THEMIS: variants seen among roughly 807,000 people sequenced by gnomAD.
THEMIS encodes the protein thymocyte selection associated, also known as protein THEMIS.
THEMIS carries 37 observed loss-of-function variants against 52.6 expected under a neutral mutation model. That is an observed-to-expected ratio of 0.70 (90% CI 0.54 to 0.93). The LOEUF (loss-of-function observed/expected upper bound fraction) is 0.93, where lower values mean the gene tolerates loss of function less well. THEMIS is among the 40% of genes least tolerant of loss of function. THEMIS has a pLI of 0.00. For synonymous variants in THEMIS, 292 were observed against 272.7 expected, an observed-to-expected ratio of 1.07 and a Z score of -0.70; for missense variants, 808 against 763.1, an observed-to-expected ratio of 1.06 and a Z score of -0.69.
chr6:127,782,464 G>C (rs553100635), intron 4 of THEMIS, among the ~76,000 whole-genome samples: 1 of 152,172 alleles, frequency 6.6e-6, no homozygotes, highest in African/African-American at 2.4e-5. Context: ...TGTGGGTTGC[G>C]AAGACCATGG....
At chr6:127,769,526 C>T (rs114064778) in intron 4 of THEMIS, among the ~76,000 whole-genome samples, 3,414 of 152,110 alleles carry the variant, frequency 0.022, 139 homozygotes, top group African/African-American at 0.079. Context: ...CTTAAGCAGT[C>T]AGGCATTGTT....
intron 4 of THEMIS, among the ~76,000 whole-genome samples, chr6:127,740,414 A>T (rs1349881988): frequency 6.6e-6 from 1 of 152,194 alleles, no homozygotes; most frequent in East Asian, 1.9e-4. Context: ...GTTGCTAAAA[A>T]AAACTTTATT....
chr6:127,744,931 G>A (rs758484054), intron 4 of THEMIS, among the ~76,000 whole-genome samples: 1 of 151,766 alleles, frequency 6.6e-6, no homozygotes, highest in East Asian at 1.9e-4. Flanking sequence ...AGATATAATT[G>A]TAATATCAAG....
chr6:127,800,009 T>C (rs988666760), intron 4 of THEMIS, among the ~76,000 whole-genome samples: 3 of 152,178 alleles, frequency 2.0e-5, no homozygotes, highest in African/African-American at 7.2e-5. Flanking sequence ...ACGTTCTTCA[T>C]AGTACTGAGT....
At chr6:127,827,281 G>C (rs1404231774) in intron 3 of THEMIS, among the ~76,000 whole-genome samples, 1 of 152,084 alleles carries the variant, frequency 6.6e-6, no homozygotes, top group Non-Finnish European at 1.5e-5. Flanking sequence ...CTTTAAATTA[G>C]GTATTTGTGA....
chr6:127,863,549 T>C (rs1779876260), intron 1 of THEMIS, among the ~76,000 whole-genome samples: 1 of 152,190 alleles, frequency 6.6e-6, no homozygotes, highest in African/African-American at 2.4e-5. Flanking sequence ...CCTTAACATG[T>C]TTGAAGACAG....
intron 3 of THEMIS, among the ~76,000 whole-genome samples, chr6:127,829,104 G>A (rs1583323917): frequency 2.0e-5 from 3 of 152,222 alleles, no homozygotes; most frequent in East Asian, 1.9e-4. Context: ...TACCTCTTTT[G>A]TTGACCACCT....
chr6:127,902,339 A>AT (rs200156139), upstream of THEMIS, among the ~76,000 whole-genome samples: 9,581 of 147,216 alleles, frequency 0.065, 433 homozygotes, highest in Non-Finnish European at 0.1. Flanking sequence ...AAAAAAAAAA[A>AT]AAAAAATAAA....
chr6:127,859,235 T>C (rs1445603234), intron 1 of THEMIS, among the ~76,000 whole-genome samples: 1 of 152,036 alleles, frequency 6.6e-6, no homozygotes, highest in Non-Finnish European at 1.5e-5. Context: ...CTTGTCAAAG[T>C]CCAACCAATT....
At position 127,916,112 on chromosome 6, in the gene THEMIS, G is replaced by A. The variant is rs145993168; in HGVS notation, c.-150+2316C>T. Reference sequence around the variant, plus strand: ...AAGTTACAAAATTAACCCTATATTTGTTTAATTAAAAATATGATTTTATAT... The same window carrying A: ...AAGTTACAAAATTAACCCTATATTTATTTAATTAAAAATATGATTTTATAT... On this transcript the variant is annotated intron_variant, in intron 1 of 6. Coordinates refer to the THEMIS transcript ENST00000368250. Among the ~76,000 whole-genome samples, 1,477 of 151,816 alleles carry A rather than the reference G, an allele frequency of 9.7e-3. 13 individuals are homozygous for A. Among genetic ancestry groups the A allele is most frequent in the Non-Finnish European group, 0.015 (1,042 of 67,928 alleles).
At chr6:127,892,812 T>A (rs1159766437) in intron 1 of THEMIS, among the ~76,000 whole-genome samples, 1 of 152,154 alleles carries the variant, frequency 6.6e-6, no homozygotes, top group Non-Finnish European at 1.5e-5. Context: ...CATTCATGCC[T>A]ACAATAACTT....
intron 4 of THEMIS, among the ~76,000 whole-genome samples, chr6:127,735,133 A>G (rs1774958334): frequency 1.3e-5 from 2 of 151,808 alleles, no homozygotes; most frequent in African/African-American, 4.8e-5. Context: ...TTGATTCTGT[A>G]CTACTCTGGA....
rs536484930 is a variant in THEMIS at position 127,839,588 on chromosome 6, G to A, written c.251-9654C>T. On this transcript the variant is annotated intron_variant, in intron 2 of 5. Coordinates refer to ENST00000368248, the MANE Select transcript of THEMIS (RefSeq NM_001010923.3). ...TGGAGTCACAGATCACTGCGGCCTC[G>A]AACTCCTGGGTTCATGCCATCCTCC... Among the ~76,000 whole-genome samples, 19 of 151,938 alleles carry A rather than the reference G, an allele frequency of 1.3e-4. No homozygotes were observed. The South Asian group carries it at 3.5e-3, about 28-fold the overall frequency.
chr6:127,904,180 A>G (rs944795266), upstream of THEMIS, among the ~76,000 whole-genome samples: 1 of 152,094 alleles, frequency 6.6e-6, no homozygotes, highest in African/African-American at 2.4e-5. Context: ...TTCCTCCAGG[A>G]AAAGTCAGAG....
the THEMIS span, among the ~76,000 whole-genome samples, chr6:127,703,035 G>GTTTTTTTTTTTTTTTTTTTTTTT: frequency 7.3e-5 from 6 of 82,386 alleles, no homozygotes; most frequent in Non-Finnish European, 1.3e-4. Context: ...TTTAGAATGA[G>GTTTTTTTTTTTTTTTTTTTTTTT]TTTTTTTTTT....
intron 1 of THEMIS, among the ~76,000 whole-genome samples, chr6:127,873,031 T>C (rs1332952886): frequency 1.3e-5 from 2 of 152,164 alleles, no homozygotes; most frequent in Non-Finnish European, 1.5e-5. Context: ...AAATTCAAAA[T>C]AAAATATTTG....
the THEMIS span, among the ~76,000 whole-genome samples, chr6:127,698,795 T>C: frequency 9.3e-3 from 1,416 of 151,968 alleles, 24 homozygotes; most frequent in African/African-American, 0.032. Context: ...GTTATTAATT[T>C]GGAAATGTAT....
chr6:127,713,284 T>C (rs1042415329), intron 5 of THEMIS, among the ~76,000 whole-genome samples: 4 of 151,912 alleles, frequency 2.6e-5, no homozygotes, highest in Non-Finnish European at 5.9e-5. Context: ...AAGTGAGTAT[T>C]GTATCATGTT....
intron 4 of THEMIS, among the ~76,000 whole-genome samples, chr6:127,807,016 T>G (rs1777734991): frequency 6.6e-6 from 1 of 152,138 alleles, no homozygotes; most frequent in South Asian, 2.1e-4. Flanking sequence ...AAACCATGAT[T>G]TATTAATCTG....
Sources: gnomAD v4.1 joint callset for allele counts (sites outside exome capture counted in the v4.1 genomes callset) on GRCh38, gnomAD v4.1.1 for gene constraint, MANE v1.5 for transcripts, NCBI Gene and HGNC (gene_info 2026-07-23, HGNC 2026-07-21) for gene names.